The following ABCA13 variants were observed in gnomAD, a reference collection of about 807,000 sequenced individuals.
The protein encoded by ABCA13 is ATP binding cassette subfamily A member 13, also known as ATP-binding cassette sub-family A member 13.
Under a neutral mutation model 478.7 loss-of-function variants are expected in ABCA13, and 476 were observed. That is an observed-to-expected ratio of 0.99 (90% CI 0.92 to 1.07). The LOEUF (loss-of-function observed/expected upper bound fraction) is 1.07. Ranked by LOEUF, ABCA13 falls within the 50% of genes least tolerant of loss-of-function variation. ABCA13 has a pLI of 0.00. For synonymous variants in ABCA13, 2,252 were observed against 2,158.9 expected, an observed-to-expected ratio of 1.04 and a Z score of -1.20; for missense variants, 6,060 against 5,910.6, an observed-to-expected ratio of 1.03 and a Z score of -0.83.
At chr7:48,425,148 C>T (rs1369833096) in intron 41 of ABCA13, among the ~76,000 whole-genome samples, 1 of 152,150 alleles carries the variant, frequency 6.6e-6, no homozygotes, top group African/African-American at 2.4e-5. Flanking sequence ...CTGTTTCCTC[C>T]TCTAACACAC....
At chr7:48,414,252 C>T (rs781154787) in intron 41 of ABCA13, among the ~76,000 whole-genome samples, 1 of 152,174 alleles carries the variant, frequency 6.6e-6, no homozygotes, top group Non-Finnish European at 1.5e-5. Flanking sequence ...AGCATCAATT[C>T]TGTTCCGTGT....
intron 44 of ABCA13, among the ~76,000 whole-genome samples, chr7:48,470,039 C>T (rs1290808046): frequency 2.0e-5 from 3 of 152,234 alleles, no homozygotes; most frequent in Non-Finnish European, 4.4e-5. Flanking sequence ...CCAGCAGCCT[C>T]TCTGCAGCTG....
At position 48,367,800 on chromosome 7, in the gene ABCA13, GAAC is replaced by G; in HGVS notation, c.10699_10701del (p.Asn3567del). The G allele has an allele frequency of 6.4e-7, 1 of 1,561,554 alleles. No individual in the cohort carries two copies. Reference sequence around the variant, plus strand: ...CTGAATTATCCCCTTACAGATTCCTGAACAACGTTGGTTTCTTTTTTCCACTGA... The same window carrying G: ...CTGAATTATCCCCTTACAGATTCCTGAACGTTGGTTTCTTTTTTCCACTGA... On this transcript the variant is annotated inframe_deletion, in exon 32 of 62. Transcript: ENST00000435803.
At position 48,275,040 on chromosome 7, in the gene ABCA13, G is replaced by T; in HGVS notation, c.5374G>T (p.Ala1792Ser). 6.2e-7 allele frequency: 1 copy of T among 1,613,654 alleles called. No homozygotes were observed. The highest frequency in any genetic ancestry group is 8.5e-7 in the Non-Finnish European group (1 of 1,179,746). Residue 1792 changes from alanine (A) to serine (S), a missense_variant, in exon 17 of 62, where the codon GCA becomes TCA. Transcript: ENST00000435803. ...TTCAAATATCACCAAGGAAGACTTC[G>T]CAATTGTGATAAAAATTCTTTTGGA... Reference protein sequence around the residue: ...TISNITKEDFAIVIKILLDTI... With the variant: ...TISNITKEDFSIVIKILLDTI...
chr7:48,328,944 G>T (rs1332870718), intron 27 of ABCA13, among the ~76,000 whole-genome samples: 4 of 152,146 alleles, frequency 2.6e-5, no homozygotes, highest in Non-Finnish European at 5.9e-5. Context: ...GTGTATTCGT[G>T]TGAAGTCTTT....
At position 48,448,642 on chromosome 7, in the gene ABCA13, A is replaced by G. The variant is rs78159450; in HGVS notation, c.12566-6395A>G. On this transcript the variant is annotated intron_variant, in intron 42 of 61. Coordinates refer to ENST00000435803, the MANE Select transcript of ABCA13 (RefSeq NM_152701.5). ...CATGTAGCATTTTTCTTTTACCTAT[A>G]TTGTGTTTTTTTAAGAAAAATTACA... Among the ~76,000 whole-genome samples the G allele has an allele frequency of 3.7e-4, 57 of 152,262 alleles. No individual in the cohort carries two copies. In the East Asian group the frequency reaches 8.1e-3, roughly 22 times the overall value.
At chr7:48,188,001 A>G (rs930827773) in intron 1 of ABCA13, among the ~76,000 whole-genome samples, 6 of 151,732 alleles carry the variant, frequency 4.0e-5, no homozygotes, top group African/African-American at 1.5e-4. Context: ...CCCAGGTATT[A>G]TATTTGTTCT....
At chr7:48,269,915 T>A (rs952229145) in intron 16 of ABCA13, among the ~76,000 whole-genome samples, 2 of 152,202 alleles carry the variant, frequency 1.3e-5, no homozygotes, top group Non-Finnish European at 2.9e-5. Flanking sequence ...GAAAGGACAA[T>A]GGGATGGATC....
chr7:48,355,246 C>T (rs1809705367), intron 31 of ABCA13, among the ~76,000 whole-genome samples: 2 of 151,758 alleles, frequency 1.3e-5, no homozygotes, highest in Admixed American at 6.6e-5. Flanking sequence ...TGGGGTAGAC[C>T]CTATCAGGAA....
At chr7:48,323,200 TTTA>T (rs1414302417) in intron 27 of ABCA13, among the ~76,000 whole-genome samples, 3 of 152,206 alleles carry the variant, frequency 2.0e-5, no homozygotes, top group African/African-American at 7.2e-5. Context: ...GGCGTACTTG[TTTA>T]TTATTTGTCG....
intron 47 of ABCA13, among the ~76,000 whole-genome samples, chr7:48,484,505 A>C (rs900665215): frequency 7.9e-5 from 12 of 152,234 alleles, no homozygotes; most frequent in African/African-American, 2.9e-4. Flanking sequence ...TCCTCTACAA[A>C]TATTCCGACT....
intron 55 of ABCA13, among the ~76,000 whole-genome samples, chr7:48,549,234 G>T (rs1785094091): frequency 1.3e-5 from 2 of 151,506 alleles, no homozygotes; most frequent in Non-Finnish European, 3.0e-5. Flanking sequence ...CCGCCAACAG[G>T]CCCAGGTGTG....
At chr7:48,374,692 G>A (rs977163802) in intron 34 of ABCA13, among the ~76,000 whole-genome samples, 5 of 152,114 alleles carry the variant, frequency 3.3e-5, no homozygotes, top group African/African-American at 1.2e-4. Context: ...CACCCTTGAC[G>A]TCTGGTCTGG....
intron 59 of ABCA13, among the ~76,000 whole-genome samples, chr7:48,621,991 T>C (rs1793184484): frequency 6.6e-6 from 1 of 152,150 alleles, no homozygotes; most frequent in Non-Finnish European, 1.5e-5. Context: ...AGTATAGAAT[T>C]TCGGGGACCC....
chr7:48,260,883 T>G (rs1025382740), intron 15 of ABCA13, among the ~76,000 whole-genome samples: 4 of 151,962 alleles, frequency 2.6e-5, no homozygotes, highest in African/African-American at 9.7e-5. Flanking sequence ...CTGGATTCTA[T>G]GTTTTATCTT....
chr7:48,238,879 T>G (rs1411091647), intron 8 of ABCA13, among the ~76,000 whole-genome samples: 1 of 152,178 alleles, frequency 6.6e-6, no homozygotes, highest in Non-Finnish European at 1.5e-5. Flanking sequence ...CTTTTGATAG[T>G]CAGAAAAGAA....
At position 48,282,373 on chromosome 7, in the gene ABCA13, A is replaced by G. The variant is rs555048462; in HGVS notation, c.8836+921A>G. ...CAGAGGTGCTGCCATCCTCTGGCCC[A>G]GTCTCCTGAGCAGGGCTGCCCAGAG... On this transcript the variant is annotated intron_variant, in intron 19 of 61. Coordinates refer to ENST00000435803, the MANE Select transcript of ABCA13 (RefSeq NM_152701.5). Among the ~76,000 whole-genome samples the G allele has an allele frequency of 1.4e-4, 22 of 152,316 alleles. No individual in the cohort carries two copies. The East Asian group carries it at 3.5e-3, about 24-fold the overall frequency.
In ABCA13 at chr7:48,352,202, T is replaced by A. The variant is rs753835840; in HGVS notation, c.10403T>A (p.Leu3468Ter). Residue 3468 changes from leucine to a stop codon, truncating the protein, a stop_gained, in exon 31 of 62, where the codon TTA becomes TAA. Transcript: ENST00000435803. LOFTEE classifies it high-confidence loss of function. The part of the protein sequence containing the change: ...FLASIIFSNS[L>*]FDKNFRSESV... Reference sequence around the variant, plus strand: ...CTAGGTATCATTTTCAGCAATTCCTTATTCGACAAGAACTTCAGATCAGAG... The same window carrying A: ...CTAGGTATCATTTTCAGCAATTCCTAATTCGACAAGAACTTCAGATCAGAG... 2 of 1,607,850 alleles carry A rather than the reference T, an allele frequency of 1.2e-6. No individual in the cohort carries two copies. Among genetic ancestry groups the A allele is most frequent in the African/African-American group, 2.7e-5 (2 of 74,666 alleles).
chr7:48,342,602 T>C (rs934550257), intron 29 of ABCA13, among the ~76,000 whole-genome samples: 2 of 152,182 alleles, frequency 1.3e-5, no homozygotes, highest in African/African-American at 2.4e-5. Flanking sequence ...ATTTCTTGAA[T>C]CAGTGGCCAA....
Sources: gnomAD v4.1 joint callset for allele counts (sites outside exome capture counted in the v4.1 genomes callset) on GRCh38, gnomAD v4.1.1 for gene constraint, MANE v1.5 for transcripts, NCBI Gene and HGNC (gene_info 2026-07-23, HGNC 2026-07-21) for gene names.